Variants in TBC1D30 observed in about 807,000 individuals in gnomAD.
The protein encoded by TBC1D30 is TBC1 domain family, member 30.
TBC1D30 carries 31 observed loss-of-function variants against 63.2 expected under a neutral mutation model. That is an observed-to-expected ratio of 0.49 (90% CI 0.37 to 0.66). The LOEUF (loss-of-function observed/expected upper bound fraction) is 0.66, where lower values mean the gene tolerates loss of function less well. TBC1D30 is among the 30% of genes least tolerant of loss of function. The pLI, the probability that TBC1D30 is intolerant of heterozygous loss-of-function variation, is 0.00. For synonymous variants in TBC1D30, 307 were observed against 361.5 expected, an observed-to-expected ratio of 0.85 and a Z score of 1.71; for missense variants, 810 against 953.6, an observed-to-expected ratio of 0.85 and a Z score of 1.98.
intron 11 of TBC1D30, 42 bp downstream of exon 11, chr12:64,870,850 A>C: frequency 5.1e-5 from 78 of 1,522,412 alleles, no homozygotes; most frequent in Non-Finnish European, 6.3e-5. Context: ...GCTCTATCTC[A>C]ACTTGTAAAA....
At position 64,824,885 on chromosome 12, in the gene TBC1D30, G is replaced by A. The variant is rs1874163863; in HGVS notation, c.6G>A (p.Arg2=). Residue 2 remains arginine (R), a synonymous_variant, in exon 1 of 12, where the codon CGG becomes CGA. Transcript: ENST00000539867. ...AGAGCCCGGGGCGCTCTCGGATGCGGCAGGACAAGCTGACCGGGTCTCTGA... is the reference window on the plus strand; with the variant it reads ...AGAGCCCGGGGCGCTCTCGGATGCGACAGGACAAGCTGACCGGGTCTCTGA... M[R]QDKLTGSLRR... is the part of the protein sequence containing the mutation. 2 of 1,533,338 alleles carry A rather than the reference G, an allele frequency of 1.3e-6. No homozygotes were observed. The highest frequency in any genetic ancestry group is 1.4e-5 in the African/African-American group (1 of 72,932). 95.0% of individuals were successfully genotyped at this position (1,533,338 alleles called of 1,614,324 possible).
At position 64,875,919 on chromosome 12, in the gene TBC1D30, A is replaced by G; in HGVS notation, c.*131A>G. 1 of 959,158 alleles carries G rather than the reference A, an allele frequency of 1.0e-6. No individual in the cohort carries two copies. The highest frequency in any genetic ancestry group is 1.5e-6 in the Non-Finnish European group (1 of 681,470). The allele number at this position is 959,158 out of a possible 1,614,324, so 59.4% of individuals were successfully genotyped here. On this transcript the variant is annotated 3_prime_UTR_variant, in exon 12 of 12. Transcript: ENST00000539867. Reference sequence around the variant, plus strand: ...TTCAGGGATGAGCAACAGCCCATAAAAAATGGGAACTGGAAGTTTTATAAT... The same window carrying G: ...TTCAGGGATGAGCAACAGCCCATAAGAAATGGGAACTGGAAGTTTTATAAT...
Position 64,852,630 on chromosome 12 carries a change from T to A in TBC1D30, c.1038+9145T>A, listed in dbSNP as rs1256009955. Reference sequence around the variant, plus strand: ...TCCCTCATTTTCATGGATTTATCTATCTTTGGTCTTTGATGTCAGTGACCT... The same window carrying A: ...TCCCTCATTTTCATGGATTTATCTAACTTTGGTCTTTGATGTCAGTGACCT... On this transcript the variant is annotated intron_variant, in intron 8 of 11. Coordinates refer to ENST00000539867, the MANE Select transcript of TBC1D30 (RefSeq NM_015279.2). Among the ~76,000 whole-genome samples, 5 of 152,234 alleles carry A rather than the reference T, an allele frequency of 3.3e-5. No individual in the cohort carries two copies. The South Asian group carries it at 8.3e-4, about 25-fold the overall frequency.
intron 2 of TBC1D30, among the ~76,000 whole-genome samples, chr12:64,802,877 T>G (rs1452689814): frequency 2.6e-5 from 4 of 152,238 alleles, no homozygotes; most frequent in Non-Finnish European, 5.9e-5. Context: ...GTGCCACATT[T>G]TCTTAATCCA....
chr12:64,880,008 A>T lies in TBC1D30; in HGVS notation c.*4220A>T, dbSNP rs1490303671. 5.9e-5 allele frequency: 9 copies of T among 152,138 alleles called. No homozygotes were observed. Among genetic ancestry groups the T allele is most frequent in the Non-Finnish European group, 1.2e-4 (8 of 68,034 alleles). The allele number at this position is 152,138 out of a possible 1,614,324, so 9.4% of individuals were successfully genotyped here. A position where few individuals can be genotyped will look rare whatever the true frequency, so the allele number is the denominator to read the frequency against. On this transcript the variant is annotated 3_prime_UTR_variant, in exon 12 of 12. Coordinates refer to ENST00000539867, the MANE Select transcript of TBC1D30 (RefSeq NM_015279.2). ...CAATATAAACATCTGGGAATAGGGG[A>T]GATGTTTGGATGAATTATGATTCAT...
intron 2 of TBC1D30, among the ~76,000 whole-genome samples, chr12:64,816,771 CTCTCTTT>C (rs1873564056): frequency 6.6e-6 from 1 of 152,004 alleles, no homozygotes; most frequent in Admixed American, 6.6e-5. Context: ...TCTTTCTCTT[CTCTCTTT>C]TCTTTCCCTC....
intron 10 of TBC1D30, among the ~76,000 whole-genome samples, chr12:64,867,553 G>A (rs539985257): frequency 7.9e-5 from 12 of 151,886 alleles, no homozygotes; most frequent in Non-Finnish European, 1.2e-4. Context: ...TGTTGCATGC[G>A]TAGTACACAT....
chr12:64,797,817 G>A (rs1872371201), intron 2 of TBC1D30, among the ~76,000 whole-genome samples: 1 of 152,112 alleles, frequency 6.6e-6, no homozygotes, highest in African/African-American at 2.4e-5. Context: ...CTCTTCTGGG[G>A]TACCCTGGAT....
intron 2 of TBC1D30, among the ~76,000 whole-genome samples, chr12:64,805,256 A>T (rs1383692183): frequency 6.6e-6 from 1 of 152,208 alleles, no homozygotes; most frequent in Non-Finnish European, 1.5e-5. Flanking sequence ...GAGGTCCCAC[A>T]TTAAGGTCTG....
intron 8 of TBC1D30, among the ~76,000 whole-genome samples, chr12:64,853,778 G>A (rs1877074467): frequency 6.6e-6 from 1 of 152,154 alleles, no homozygotes; most frequent in South Asian, 2.1e-4. Context: ...CCTGGGTGAG[G>A]TGATGCCCCA....
chr12:64,804,149 G>T (rs1399609653), intron 2 of TBC1D30, among the ~76,000 whole-genome samples: 1 of 152,166 alleles, frequency 6.6e-6, no homozygotes, highest in Non-Finnish European at 1.5e-5. Context: ...CCATTTGTTT[G>T]TGTCCTCTTT....
At chr12:64,853,547 ACTC>A (rs1454445030) in intron 8 of TBC1D30, among the ~76,000 whole-genome samples, 1 of 151,678 alleles carries the variant, frequency 6.6e-6, no homozygotes, top group African/African-American at 2.4e-5. Context: ...TGAAAAAAAA[ACTC>A]CTGCAGCTAG....
rs1217838379 is a variant in TBC1D30 at position 64,863,331 on chromosome 12, G to A, written c.1039-1337G>A. On this transcript the variant is annotated intron_variant, in intron 8 of 11. Transcript: ENST00000539867. ...TTAAATGAGGAAAAGGAAGCCCAGA[G>A]AGGTGGGGAACTGGTTTAATTTCAC... Among the ~76,000 whole-genome samples the A allele has an allele frequency of 2.0e-5, 3 of 152,200 alleles. No individual in the cohort carries two copies. In the East Asian group the frequency reaches 5.8e-4, roughly 29 times the overall value.
chr12:64,781,576 A>C (rs1468594619), intron 1 of TBC1D30, among the ~76,000 whole-genome samples: 1 of 152,126 alleles, frequency 6.6e-6, no homozygotes, highest in Non-Finnish European at 1.5e-5. Flanking sequence ...GAGGCAGCCC[A>C]GATTCTAATT....
intron 1 of TBC1D30, among the ~76,000 whole-genome samples, chr12:64,770,591 A>G (rs1870868838): frequency 1.3e-5 from 2 of 152,186 alleles, no homozygotes; most frequent in Admixed American, 1.3e-4. Flanking sequence ...ACGTGTGACA[A>G]CTGCATGGTG....
In TBC1D30 at chr12:64,842,134, G is replaced by T. The variant is rs563379722; in HGVS notation, c.933-1246G>T. Among the ~76,000 whole-genome samples the T allele has an allele frequency of 2.6e-5, 4 of 152,274 alleles. No individual in the cohort carries two copies. The South Asian group carries it at 8.3e-4, about 32-fold the overall frequency. ...GCACTTTGAGAGGCCGAAGCAGGTG[G>T]ATCACTTGAAGCCAGGAGTTTGAGA... On this transcript the variant is annotated intron_variant, in intron 7 of 11. Transcript: ENST00000539867.
At chr12:64,827,340 T>G (rs1365086161) in intron 1 of TBC1D30, among the ~76,000 whole-genome samples, 1 of 152,118 alleles carries the variant, frequency 6.6e-6, no homozygotes, top group Non-Finnish European at 1.5e-5. Flanking sequence ...TCCCAGCTAT[T>G]TGGGAGGCTG....
intron 7 of TBC1D30, among the ~76,000 whole-genome samples, chr12:64,840,027 A>AAAAAAAAAAAAAC (rs1555171793): frequency 1.4e-5 from 2 of 145,812 alleles, no homozygotes; most frequent in African/African-American, 5.2e-5. Flanking sequence ...AAAAAAAAAA[A>AAAAAAAAAAAAAC]ATCCACCAAC....
At chr12:64,850,387 A>G (rs1592635776) in intron 8 of TBC1D30, among the ~76,000 whole-genome samples, 1 of 152,220 alleles carries the variant, frequency 6.6e-6, no homozygotes, top group East Asian at 1.9e-4. Flanking sequence ...GCTTTTGCCC[A>G]TTCAGTATGA....
Sources: gnomAD v4.1 joint callset for allele counts (sites outside exome capture counted in the v4.1 genomes callset) on GRCh38, gnomAD v4.1.1 for gene constraint, MANE v1.5 for transcripts, NCBI Gene and HGNC (gene_info 2026-07-23, HGNC 2026-07-21) for gene names.